Variants in ROBO1 observed in about 807,000 individuals in gnomAD.
The protein encoded by ROBO1 is roundabout homolog 1.
A neutral mutation model predicts 195.9 loss-of-function variants in ROBO1; 149 were observed. That is an observed-to-expected ratio of 0.76 (90% CI 0.67 to 0.87). ROBO1 has a LOEUF of 0.87. Among genes scored for constraint, ROBO1 ranks in the 40% least tolerant of loss-of-function variants. ROBO1 has a pLI of 0.00. For missense variants in ROBO1, 1,933 were observed against 2,068.3 expected (o/e 0.93, Z 1.27); for synonymous variants, 816 against 733.2 (o/e 1.11, Z -1.82).
chr3:79,298,831 C>A (rs1226499731), intron 2 of ROBO1, among the ~76,000 whole-genome samples: 4 of 151,972 alleles, frequency 2.6e-5, no homozygotes, highest in African/African-American at 9.7e-5. Context: ...ATTGAGTAAT[C>A]TAGGAAGGAG....
chr3:78,701,267 T>C (rs560096053), intron 8 of ROBO1, among the ~76,000 whole-genome samples: 1 of 152,362 alleles, frequency 6.6e-6, no homozygotes, highest in South Asian at 2.1e-4. Flanking sequence ...CATAGATGCA[T>C]AATTACTCTG....
At chr3:78,692,523 G>A (rs954784154) in intron 8 of ROBO1, among the ~76,000 whole-genome samples, 2 of 151,846 alleles carry the variant, frequency 1.3e-5, no homozygotes, top group Non-Finnish European at 2.9e-5. Context: ...CACCCACCTC[G>A]GCCTCCCAAT....
intron 8 of ROBO1, among the ~76,000 whole-genome samples, chr3:78,707,940 G>A (rs1437980567): frequency 6.6e-6 from 1 of 152,192 alleles, no homozygotes; most frequent in African/African-American, 2.4e-5. Context: ...GAGATAAAAG[G>A]TGATGGCTTG....
At chr3:79,660,064 T>C (rs939420597) in intron 1 of ROBO1, among the ~76,000 whole-genome samples, 3 of 149,844 alleles carry the variant, frequency 2.0e-5, no homozygotes, top group Admixed American at 2.0e-4. Flanking sequence ...GGGTTTGCCG[T>C]TTTTCCTCAC....
chr3:79,649,262 GT>G (rs1945926992), intron 1 of ROBO1, among the ~76,000 whole-genome samples: 1 of 151,924 alleles, frequency 6.6e-6, no homozygotes, highest in Admixed American at 6.6e-5. Context: ...AAACAAAAAA[GT>G]GGCAAATAAA....
At chr3:79,171,954 C>T (rs1353713338) in intron 2 of ROBO1, among the ~76,000 whole-genome samples, 1 of 151,816 alleles carries the variant, frequency 6.6e-6, no homozygotes, top group Non-Finnish European at 1.5e-5. Flanking sequence ...ACATTTACAA[C>T]CATAAAACTG....
Position 79,339,714 on chromosome 3 carries a change from C to T in ROBO1, c.89-214175G>A, listed in dbSNP as rs539979635. Among the ~76,000 whole-genome samples the T allele has an allele frequency of 4.8e-4, 73 of 152,280 alleles. No individual in the cohort carries two copies. The South Asian group carries it at 0.015, about 31-fold the overall frequency. On this transcript the variant is annotated intron_variant, in intron 2 of 30. Transcript: ENST00000464233. The stretch of plus-strand genomic sequence containing the variant: ...CCATCTTATCCCACTAAGCATTAAG[C>T]TCCGTTGAAGGCCAAAATTTTGTCT...
chr3:79,125,470 G>A lies in ROBO1; in HGVS notation c.158C>T (p.Ser53Leu), dbSNP rs531923100. The A allele has an allele frequency of 2.5e-6, 4 of 1,613,436 alleles. No homozygotes were observed. Among genetic ancestry groups the A allele is most frequent in the East Asian group, 2.2e-5 (1 of 44,826 alleles). ...PIPTSDNDDNSLGYTGSRLRQ... is the reference protein window; with the variant it reads ...PIPTSDNDDNLLGYTGSRLRQ... ...AGACACTCTACCTGTATAGCCCAGCGAATTGTCATCGTTATCAGAGGTGGG... is the reference window on the plus strand; with the variant it reads ...AGACACTCTACCTGTATAGCCCAGCAAATTGTCATCGTTATCAGAGGTGGG... Residue 53 changes from serine to leucine, a missense_variant, in exon 3 of 31, where the codon TCG becomes TTG. Physicochemically the swap from Ser to Leu is moderately radical, Grantham distance 145. Transcript: ENST00000464233.
Position 79,439,532 on chromosome 3 carries a change from G to A in ROBO1, c.88+150292C>T, listed in dbSNP as rs554418505. ...GAGAGGACACATATATATTGTCTTTGCCTTCTAAAAGTAACATTTATTTGA... is the reference window on the plus strand; with the variant it reads ...GAGAGGACACATATATATTGTCTTTACCTTCTAAAAGTAACATTTATTTGA... On this transcript the variant is annotated intron_variant, in intron 2 of 30. Transcript: ENST00000464233. Among the ~76,000 whole-genome samples, 7 of 151,962 alleles carry A rather than the reference G, an allele frequency of 4.6e-5. No homozygotes were observed. In the South Asian group the frequency reaches 1.2e-3, roughly 27 times the overall value.
chr3:78,764,631 A>C (rs746010350), intron 4 of ROBO1, among the ~76,000 whole-genome samples: 4 of 152,190 alleles, frequency 2.6e-5, no homozygotes, highest in Non-Finnish European at 5.9e-5. Context: ...TTAATATAGT[A>C]AGTAATATCC....
intron 27 of ROBO1, among the ~76,000 whole-genome samples, chr3:78,616,033 T>C (rs902564876): frequency 1.3e-5 from 2 of 152,154 alleles, no homozygotes; most frequent in African/African-American, 4.8e-5. Context: ...CTATTACAAT[T>C]AAAGTTACAT....
chr3:78,647,020 G>C (rs1451989823), intron 20 of ROBO1, among the ~76,000 whole-genome samples: 1 of 152,026 alleles, frequency 6.6e-6, no homozygotes, highest in Non-Finnish European at 1.5e-5. Context: ...CTGTTATAGA[G>C]AGATAACTGC....
chr3:78,617,762 G>T lies in ROBO1; in HGVS notation c.4155C>A (p.Ser1385Arg). The change falls in exon 27 of 31, where the codon AGC (serine) becomes AGA (arginine). Residue 1385 changes from serine to arginine, a missense_variant. Physicochemically the swap from Ser to Arg is moderately radical, Grantham distance 110. This residue lies in a region of ROBO1 where 1,737 missense variants were observed against 1,882.5 expected (regional missense o/e 0.92). Coordinates refer to ENST00000464233, the MANE Select transcript of ROBO1 (RefSeq NM_002941.4). ...CCGAAGAACTAACACTGGAGCGTCC[G>T]CTGGAAATGTTGTCCTCCTCTGAGG... ...GSASEEDNISSGRSSVSSSDG... is the reference protein window; with the variant it reads ...GSASEEDNISRGRSSVSSSDG... 1 of 1,613,898 alleles carries T rather than the reference G, an allele frequency of 6.2e-7. No homozygotes were observed. The highest frequency in any genetic ancestry group is 8.5e-7 in the Non-Finnish European group (1 of 1,179,852).
intron 2 of ROBO1, among the ~76,000 whole-genome samples, chr3:79,513,104 GATAACAA>G (rs1207313527): frequency 6.6e-6 from 1 of 152,006 alleles, no homozygotes; most frequent in Non-Finnish European, 1.5e-5. Flanking sequence ...CCCCATGGAA[GATAACAA>G]ATAGCCAAAA....
intron 3 of ROBO1, among the ~76,000 whole-genome samples, chr3:79,011,831 T>C (rs534495369): frequency 6.6e-6 from 1 of 152,208 alleles, no homozygotes; most frequent in Non-Finnish European, 1.5e-5. Flanking sequence ...AGATAACATA[T>C]ACCTGAAATG....
At chr3:78,612,957 T>C (rs1426732768) in intron 28 of ROBO1, among the ~76,000 whole-genome samples, 4 of 152,176 alleles carry the variant, frequency 2.6e-5, no homozygotes, top group African/African-American at 9.7e-5. Context: ...AAACATAACT[T>C]GGAGGCATCA....
chr3:78,865,351 A>T (rs1361281558), intron 4 of ROBO1, among the ~76,000 whole-genome samples: 1 of 152,220 alleles, frequency 6.6e-6, no homozygotes, highest in African/African-American at 2.4e-5. Context: ...GTATACTTTA[A>T]TATCAAAATG....
intron 2 of ROBO1, among the ~76,000 whole-genome samples, chr3:79,431,447 C>A (rs145596120): frequency 3.3e-5 from 5 of 152,202 alleles, no homozygotes; most frequent in African/African-American, 1.2e-4. Context: ...TCCATGTATA[C>A]CATCCCTTTC....
rs112934661 is a variant in ROBO1, at chr3:79,587,012, A to G, written c.88+2812T>C. Among the ~76,000 whole-genome samples, 1,491 of 152,034 alleles carry G rather than the reference A, an allele frequency of 9.8e-3. 17 individuals are homozygous for G. The highest frequency in any genetic ancestry group is 0.034 in the African/African-American group (1,400 of 41,556). On this transcript the variant is annotated intron_variant, in intron 2 of 30. Transcript: ENST00000464233. ...GGCTCAACATGCAATGAAAGCAACAATTCAATGGCTGGCAAAGCCCAGTTA... is the reference window on the plus strand; with the variant it reads ...GGCTCAACATGCAATGAAAGCAACAGTTCAATGGCTGGCAAAGCCCAGTTA...
Sources: allele counts gnomAD v4.1 joint callset (sites outside exome capture counted in the v4.1 genomes callset), GRCh38; gene constraint gnomAD v4.1.1; regional missense constraint gnomAD v4.1.1; transcripts MANE v1.5; gene names NCBI Gene and HGNC (gene_info 2026-07-23, HGNC 2026-07-21).